Variants in RECK observed in about 807,000 individuals in gnomAD.
RECK encodes the protein reversion inducing cysteine rich protein with kazal motifs, also known as reversion-inducing cysteine-rich protein with Kazal motifs.
A neutral mutation model predicts 115.1 loss-of-function variants in RECK; 69 were observed. The observed-to-expected ratio is 0.60, with a 90% CI of 0.49 to 0.73. The LOEUF is 0.73. Ranked by LOEUF, RECK falls within the 30% of genes least tolerant of loss-of-function variation. RECK has a pLI of 0.00. For synonymous variants in RECK, 414 were observed against 419.7 expected, an observed-to-expected ratio of 0.99 and a Z score of 0.17; for missense variants, 1,047 against 1,203.7, an observed-to-expected ratio of 0.87 and a Z score of 1.93.
At chr9:36,096,236 C>T (rs983435449) in intron 10 of RECK, among the ~76,000 whole-genome samples, 3 of 143,404 alleles carry the variant, frequency 2.1e-5, no homozygotes, top group African/African-American at 7.7e-5. Flanking sequence ...GACCCTATCT[C>T]AAAAAAAAAA....
intron 12 of RECK, among the ~76,000 whole-genome samples, chr9:36,102,634 G>T (rs1431380302): frequency 6.6e-6 from 1 of 151,966 alleles, no homozygotes; most frequent in South Asian, 2.1e-4. Context: ...AATTGGCTTG[G>T]ACTTACTCAC....
intron 6 of RECK, among the ~76,000 whole-genome samples, chr9:36,079,525 G>C (rs906432140): frequency 1.3e-5 from 2 of 152,094 alleles, no homozygotes; most frequent in African/African-American, 4.8e-5. Context: ...TCCTACAATG[G>C]AATATTATTT....
chr9:36,109,789 A>C (rs1180706225), intron 14 of RECK, among the ~76,000 whole-genome samples, 168 bp from the exon 15 acceptor site: 1 of 151,956 alleles, frequency 6.6e-6, no homozygotes, highest in Non-Finnish European at 1.5e-5. Context: ...GGTTGCAGTG[A>C]GCTGGGATCA....
chr9:36,109,884 T>G, intron 14 of RECK, 73 bp from the exon 15 acceptor site: 1 of 1,356,076 alleles, frequency 7.4e-7, no homozygotes. Context: ...CTTGTTGAAC[T>G]ATTAAAATTG....
chr9:36,104,292 G>GCATATATATA (rs1554709313), intron 12 of RECK, among the ~76,000 whole-genome samples: 10 of 43,882 alleles, frequency 2.3e-4, no homozygotes, highest in African/African-American at 9.0e-4. Flanking sequence ...GTGTGTGTGT[G>GCATATATATA]TATATATATA....
chr9:36,040,922 A>G lies in RECK; in HGVS notation c.100+3824A>G, dbSNP rs182594021. ...GGGTTGTAAGGTAAGGAAAGGAGAG[A>G]ATAAAAAGTTCTATTTTTGTACATG... On this transcript the variant is annotated intron_variant, in intron 1 of 20. Coordinates refer to ENST00000377966, the MANE Select transcript of RECK (RefSeq NM_021111.3). Among the ~76,000 whole-genome samples, 38 of 152,194 alleles carry G rather than the reference A, an allele frequency of 2.5e-4. No homozygotes were observed. In the East Asian group the frequency reaches 7.1e-3, roughly 29 times the overall value.
chr9:36,086,729 C>T (rs537204302), intron 8 of RECK, among the ~76,000 whole-genome samples: 2 of 152,324 alleles, frequency 1.3e-5, no homozygotes, highest in South Asian at 4.1e-4. Context: ...GAAAAGTTCT[C>T]CAAGTCCCCA....
intron 2 of RECK, 33 bp downstream of exon 2, chr9:36,052,356 G>T: frequency 1.3e-6 from 2 of 1,512,322 alleles, no homozygotes; most frequent in South Asian, 1.1e-5. Context: ...GAGGCAGCCA[G>T]ACACAGTGGT....
At position 36,094,539 on chromosome 9, in the gene RECK, C is replaced by A. The variant is rs563511483; in HGVS notation, c.1085+3196C>A. ...AATACTTGATCCATCCAAAAGAAGA[C>A]AGAAAGAAAAAGGAGACAAATTGAA... On this transcript the variant is annotated intron_variant, in intron 10 of 20. Transcript: ENST00000377966. This position sits in a 1 kb window ranked among gnomAD's most constrained non-coding sequence, Gnocchi z 4.1. Among the ~76,000 whole-genome samples the A allele has an allele frequency of 3.9e-5, 6 of 151,948 alleles. No homozygotes were observed. Among genetic ancestry groups the A allele is most frequent in the African/African-American group, 1.4e-4 (6 of 41,480 alleles).
At chr9:36,080,276 T>C (rs1175541159) in intron 6 of RECK, among the ~76,000 whole-genome samples, 3 of 152,220 alleles carry the variant, frequency 2.0e-5, no homozygotes, top group African/African-American at 7.2e-5. Context: ...ATTAGATTAT[T>C]TTCTGGAAAG....
chr9:36,106,075 C>T (rs1263395230), intron 13 of RECK, among the ~76,000 whole-genome samples: 2 of 151,402 alleles, frequency 1.3e-5, no homozygotes, highest in African/African-American at 4.8e-5. Context: ...TAGCCGGGCA[C>T]GGTGGGCGCC....
At chr9:36,037,146 C>T (rs1373975883) in intron 1 of RECK, 48 bp downstream of exon 1, 38 of 1,190,110 alleles carry the variant, frequency 3.2e-5, no homozygotes, top group Non-Finnish European at 3.8e-5. Flanking sequence ...GAGCGGCCGC[C>T]ACAGCGCTCC....
At chr9:36,120,526 C>T (rs969733392) in intron 18 of RECK, 137 bp from the exon 19 acceptor site, 3 of 659,020 alleles carry the variant, frequency 4.6e-6, no homozygotes, top group Non-Finnish European at 7.9e-6. Context: ...GGTCAAGGAG[C>T]TTATATGAAG....
chr9:36,037,091 C>T lies in RECK; in HGVS notation c.93C>T (p.Gly31=). 5.2e-6 allele frequency: 7 copies of T among 1,356,906 alleles called. No homozygotes were observed. The highest frequency in any genetic ancestry group is 6.7e-6 in the Non-Finnish European group (7 of 1,050,520). The allele number at this position is 1,356,906 out of a possible 1,614,324, so 84.1% of individuals were successfully genotyped here. A position where few individuals can be genotyped will look rare whatever the true frequency, so the allele number is the denominator to read the frequency against. Residue 31 remains glycine, a synonymous_variant, in exon 1 of 21, where the codon GGC becomes GGT. Transcript: ENST00000377966. ...VAEVAGGLAP[G]SAGALCCNHS... is the part of the protein sequence containing the mutation. Reference sequence around the variant, plus strand: ...AGGTGGCAGGGGGCCTGGCTCCGGGCAGTGCGGGTGAGTAACCTCCAGAGC... The same window carrying T: ...AGGTGGCAGGGGGCCTGGCTCCGGGTAGTGCGGGTGAGTAACCTCCAGAGC...
chr9:36,038,569 T>TA (rs1278109484), intron 1 of RECK, among the ~76,000 whole-genome samples: 13 of 152,352 alleles, frequency 8.5e-5, no homozygotes, highest in Non-Finnish European at 2.9e-5. Flanking sequence ...TTGAGCAAAT[T>TA]ACTTAGCTTT....
chr9:36,049,408 A>G (rs545518508), intron 1 of RECK, among the ~76,000 whole-genome samples: 6 of 152,240 alleles, frequency 3.9e-5, no homozygotes, highest in African/African-American at 9.6e-5. Context: ...TCCTGAAACT[A>G]TCTAGGTCAG....
Position 36,121,698 on chromosome 9 carries a change from GCA to G in RECK, c.2694+13_2694+14del, listed in dbSNP as rs1231859355. ...TCCAAAAGCTCTGCAGGTGAGTTCA[GCA>G]CATGTTGTGAAGCCATCTTGTCACT... On this transcript the variant is annotated intron_variant, in intron 20 of 20. Transcript: ENST00000377966. 1 of 1,612,420 alleles carries G rather than the reference GCA, an allele frequency of 6.2e-7. No individual in the cohort carries two copies.
intron 2 of RECK, among the ~76,000 whole-genome samples, chr9:36,057,859 T>C (rs1821592781): frequency 6.6e-6 from 1 of 151,784 alleles, no homozygotes; most frequent in Non-Finnish European, 1.5e-5. Flanking sequence ...AACAGACACT[T>C]CTCAAAAGAA....
chr9:36,121,396 G>C (rs1427600280), intron 19 of RECK, 137 bp from the exon 20 acceptor site: 1 of 732,366 alleles, frequency 1.4e-6, no homozygotes, highest in Non-Finnish European at 2.2e-6. Flanking sequence ...ATTTGGCCTA[G>C]CAAAGCTGCG....
Sources: gnomAD v4.1 joint callset for allele counts (sites outside exome capture counted in the v4.1 genomes callset) on GRCh38, gnomAD v4.1.1 for gene constraint, Gnocchi (gnomAD v3.1) non-coding constraint, MANE v1.5 for transcripts, NCBI Gene and HGNC (gene_info 2026-07-23, HGNC 2026-07-21) for gene names.